SPOCK3: variants seen among roughly 807,000 people sequenced by gnomAD.
The protein encoded by SPOCK3 is testican-3.
SPOCK3 carries 30 observed loss-of-function variants against 56.6 expected under a neutral mutation model. The observed-to-expected ratio is 0.53, with a 90% CI of 0.40 to 0.72. The LOEUF (loss-of-function observed/expected upper bound fraction) is 0.72. SPOCK3 is among the 30% of genes least tolerant of loss of function. The pLI is 0.00. For missense variants in SPOCK3, 527 were observed against 530.0 expected (o/e 0.99, Z 0.06); for synonymous variants, 196 against 183.3 (o/e 1.07, Z -0.56).
intron 2 of SPOCK3, among the ~76,000 whole-genome samples, chr4:167,223,226 ATAT>A (rs1736234771): frequency 7.3e-6 from 1 of 137,448 alleles, no homozygotes; most frequent in South Asian, 2.1e-4. Context: ...AATATATAAT[ATAT>A]AATATATTTT....
At chr4:167,220,875 G>T (rs1735845838) in intron 2 of SPOCK3, among the ~76,000 whole-genome samples, 1 of 152,166 alleles carries the variant, frequency 6.6e-6, no homozygotes, top group East Asian at 1.9e-4. Flanking sequence ...ACTAATGAAG[G>T]ACAGGCAACT....
chr4:167,164,600 C>G (rs544089258), intron 2 of SPOCK3, among the ~76,000 whole-genome samples: 2 of 150,520 alleles, frequency 1.3e-5, no homozygotes, highest in Non-Finnish European at 3.0e-5. Flanking sequence ...TTTCCCCCAA[C>G]CCCCACACAG....
chr4:167,203,886 A>G (rs1289627069), intron 2 of SPOCK3, among the ~76,000 whole-genome samples: 1 of 152,126 alleles, frequency 6.6e-6, no homozygotes, highest in Non-Finnish European at 1.5e-5. Flanking sequence ...ATACACTACT[A>G]TTTAAGGCAA....
intron 6 of SPOCK3, among the ~76,000 whole-genome samples, chr4:166,864,731 G>T (rs1035525472): frequency 6.6e-6 from 1 of 151,954 alleles, no homozygotes; most frequent in Non-Finnish European, 1.5e-5. Context: ...GACTAAACCA[G>T]GAAGAAGTCA....
intron 3 of SPOCK3, among the ~76,000 whole-genome samples, chr4:167,007,058 C>T (rs1749538932): frequency 6.6e-6 from 1 of 152,172 alleles, no homozygotes; most frequent in South Asian, 2.1e-4. Context: ...TCACCAGAGC[C>T]TTCTTCCAAG....
chr4:166,738,789 G>C (rs1012845272), intron 9 of SPOCK3, among the ~76,000 whole-genome samples: 2 of 151,678 alleles, frequency 1.3e-5, no homozygotes, highest in Admixed American at 1.3e-4. Context: ...TCGCTATAAA[G>C]GACATGAACT....
chr4:166,895,142 G>A (rs1257296638), intron 5 of SPOCK3, among the ~76,000 whole-genome samples: 1 of 151,838 alleles, frequency 6.6e-6, no homozygotes, highest in East Asian at 1.9e-4. Flanking sequence ...ATAGCTTCAA[G>A]TAAAATAAAA....
intron 2 of SPOCK3, among the ~76,000 whole-genome samples, chr4:167,073,499 C>T (rs935774796): frequency 4.2e-4 from 64 of 151,480 alleles, no homozygotes; most frequent in African/African-American, 1.5e-3. Flanking sequence ...TTTTTTTCCC[C>T]TCTAGTAGCA....
At chr4:167,133,449 C>A (rs771584355) in intron 2 of SPOCK3, among the ~76,000 whole-genome samples, 1 of 152,066 alleles carries the variant, frequency 6.6e-6, no homozygotes, top group Non-Finnish European at 1.5e-5. Context: ...CTGTTTGAAG[C>A]CACGACATTT....
chr4:166,840,770 A>ATTTTTTT (rs758844653), intron 6 of SPOCK3, among the ~76,000 whole-genome samples: 5 of 81,330 alleles, frequency 6.1e-5, no homozygotes, highest in Admixed American at 1.2e-4. Flanking sequence ...CAGAAGCAAA[A>ATTTTTTT]GTTTTTTTTT....
chr4:167,077,655 C>A (rs1030998970), intron 2 of SPOCK3, among the ~76,000 whole-genome samples: 1 of 151,890 alleles, frequency 6.6e-6, no homozygotes, highest in Non-Finnish European at 1.5e-5. Flanking sequence ...TAATATTTAA[C>A]AAATAATTCA....
intron 2 of SPOCK3, among the ~76,000 whole-genome samples, chr4:167,116,196 C>T (rs1181372936): frequency 6.6e-6 from 1 of 151,540 alleles, no homozygotes; most frequent in Non-Finnish European, 1.5e-5. Flanking sequence ...TGTGTACAGA[C>T]ACATACACAC....
At chr4:166,799,134 T>C (rs1742278213) in intron 6 of SPOCK3, among the ~76,000 whole-genome samples, 1 of 152,152 alleles carries the variant, frequency 6.6e-6, no homozygotes, top group South Asian at 2.1e-4. Context: ...CTATTATCAA[T>C]AAACACACAC....
intron 3 of SPOCK3, among the ~76,000 whole-genome samples, chr4:167,058,996 C>G (rs369895855): frequency 6.6e-6 from 1 of 151,798 alleles, no homozygotes; most frequent in African/African-American, 2.4e-5. Context: ...ATACAAAAAT[C>G]AATTCAAGAT....
chr4:166,892,184 T>C (rs1400313532), intron 5 of SPOCK3, among the ~76,000 whole-genome samples: 1 of 152,000 alleles, frequency 6.6e-6, no homozygotes, highest in Non-Finnish European at 1.5e-5. Context: ...CATCAAAATA[T>C]GTTTCAGCTT....
rs568137222 is a variant in SPOCK3, at chr4:166,885,318, C to T, written c.589+3812G>A. Among the ~76,000 whole-genome samples the T allele has an allele frequency of 2.6e-5, 4 of 151,564 alleles. No homozygotes were observed. The South Asian group carries it at 6.3e-4, about 24-fold the overall frequency. The stretch of plus-strand genomic sequence containing the variant: ...AAACAAACAAACAAAAAAATTGTCT[C>T]AGTAACATAATAAATTTCTCTAAGA... On this transcript the variant is annotated intron_variant, in intron 6 of 10. Transcript: ENST00000357545.
chr4:166,854,250 G>C (rs1033032166), intron 6 of SPOCK3, among the ~76,000 whole-genome samples: 2 of 152,180 alleles, frequency 1.3e-5, no homozygotes, highest in African/African-American at 2.4e-5. Flanking sequence ...CTTGATGTGA[G>C]AGGAGGATTC....
At chr4:166,937,850 G>A (rs1406116656) in intron 4 of SPOCK3, among the ~76,000 whole-genome samples, 2 of 147,708 alleles carry the variant, frequency 1.4e-5, no homozygotes, top group African/African-American at 5.0e-5. Context: ...TGAAAGCTCC[G>A]CCTCCCGGGT....
At chr4:166,914,399 A>T (rs770313420) in intron 4 of SPOCK3, among the ~76,000 whole-genome samples, 5 of 145,604 alleles carry the variant, frequency 3.4e-5, no homozygotes, top group Non-Finnish European at 4.4e-5. Flanking sequence ...TTCTCTTATA[A>T]ATATAACATT....
Sources: allele counts gnomAD v4.1 joint callset (sites outside exome capture counted in the v4.1 genomes callset), GRCh38; gene constraint gnomAD v4.1.1; transcripts MANE v1.5; gene names NCBI Gene and HGNC (gene_info 2026-07-23, HGNC 2026-07-21).